The following DGKE variants were observed in gnomAD, a reference collection of about 807,000 sequenced individuals.
The protein encoded by DGKE is DAG kinase epsilon.
A neutral mutation model predicts 70.0 loss-of-function variants in DGKE; 53 were observed. The ratio of observed to expected loss-of-function variants is 0.76; its 90% CI spans 0.61 to 0.95. The LOEUF (loss-of-function observed/expected upper bound fraction) is 0.95. Among genes scored for constraint, DGKE ranks in the 40% least tolerant of loss-of-function variants. The pLI, the probability that DGKE is intolerant of heterozygous loss-of-function variation, is 0.00. For synonymous variants in DGKE, 291 were observed against 257.0 expected (o/e 1.13, Z -1.27); for missense variants, 655 against 706.9 (o/e 0.93, Z 0.83).
chr17:56,844,998 C>G lies in DGKE; in HGVS notation c.625-692C>G, dbSNP rs571357747. 1.3e-3 allele frequency among the ~76,000 whole-genome samples: 201 copies of G among 152,220 alleles called. 1 individual carries two copies. Among genetic ancestry groups the G allele is most frequent in the Non-Finnish European group, 2.1e-3 (143 of 67,976 alleles). On this transcript the variant is annotated intron_variant, in intron 3 of 11. Coordinates refer to ENST00000284061, the MANE Select transcript of DGKE (RefSeq NM_003647.3). ...AAGGGAAGGGACATTTTAAATTTTT[C>G]AAACAATATTGTTTTGACAGTTTTT...
At chr17:56,845,847 A>G in intron 4 of DGKE, 38 bp downstream of exon 4, 5 of 1,546,614 alleles carry the variant, frequency 3.2e-6, no homozygotes, top group Non-Finnish European at 4.3e-6. Flanking sequence ...TAATGTTTTC[A>G]TTTTCCCCAA....
intron 2 of DGKE, 135 bp downstream of exon 2, chr17:56,835,394 A>C: frequency 3.0e-5 from 28 of 924,536 alleles, no homozygotes; most frequent in Non-Finnish European, 3.8e-5. Flanking sequence ...ATAAATAAAC[A>C]TCCCTGAGTT....
chr17:56,855,396 A>G (rs1907884223), intron 7 of DGKE, among the ~76,000 whole-genome samples: 1 of 152,176 alleles, frequency 6.6e-6, no homozygotes, highest in Non-Finnish European at 1.5e-5. Context: ...AGATGGCAGA[A>G]AGAGAGCATG....
At position 56,864,257 on chromosome 17, in the gene DGKE, T is replaced by C. The variant is rs1450384472; in HGVS notation, c.*1466T>C. On this transcript the variant is annotated 3_prime_UTR_variant, in exon 12 of 12. Coordinates refer to ENST00000284061, the MANE Select transcript of DGKE (RefSeq NM_003647.3). ...ACACATGGCCCAGGCTTTGTGGTCT[T>C]TCATGACATTAATCTCTGAAAGATC... is the stretch of plus-strand genomic sequence containing the variant. 2.0e-5 allele frequency: 3 copies of C among 152,236 alleles called. No individual in the cohort carries two copies. The highest frequency in any genetic ancestry group is 7.2e-5 in the African/African-American group (3 of 41,470). 9.4% of individuals were successfully genotyped at this position (152,236 alleles called of 1,614,324 possible).
Position 56,868,668 on chromosome 17 carries a change from G to C in DGKE, c.*5877G>C, listed in dbSNP as rs1388904779. 1.3e-5 allele frequency: 2 copies of C among 152,240 alleles called. No individual in the cohort carries two copies. Among genetic ancestry groups the C allele is most frequent in the Non-Finnish European group, 2.9e-5 (2 of 68,052 alleles). The allele number at this position is 152,240 out of a possible 1,614,324, so 9.4% of individuals were successfully genotyped here. A position where few individuals can be genotyped will look rare whatever the true frequency, so the allele number is the denominator to read the frequency against. ...CTTTTTTAATAAAATTAAAAGTGCA[G>C]CACGTAAGTATGATACTGTGTAGTT... On this transcript the variant is annotated 3_prime_UTR_variant, in exon 12 of 12. Transcript: ENST00000284061.
intron 3 of DGKE, among the ~76,000 whole-genome samples, chr17:56,844,421 G>A (rs1389578631): frequency 6.6e-6 from 1 of 152,168 alleles, no homozygotes; most frequent in Admixed American, 6.5e-5. Context: ...AAGGAAATTG[G>A]AAATGTTATA....
intron 11 of DGKE, 50 bp from the exon 12 acceptor site, chr17:56,862,562 C>G: frequency 7.0e-7 from 1 of 1,438,336 alleles, no homozygotes; most frequent in Non-Finnish European, 9.1e-7. Flanking sequence ...GAAGACCTTT[C>G]TAAATTTGGG....
At chr17:56,847,749 G>A in intron 4 of DGKE, 173 bp from the exon 5 acceptor site, 1 of 349,494 alleles carries the variant, frequency 2.9e-6, no homozygotes, top group Non-Finnish European at 5.0e-6. Flanking sequence ...AGTCAGTGTG[G>A]GGATGAGCTA....
chr17:56,856,814 C>T (rs1459352687), intron 8 of DGKE, 189 bp downstream of exon 8: 1 of 399,110 alleles, frequency 2.5e-6, no homozygotes, highest in Non-Finnish European at 3.4e-6. Context: ...TGTGCTTTAT[C>T]AGGCCAGGCA....
intron 9 of DGKE, among the ~76,000 whole-genome samples, chr17:56,859,476 G>C (rs1908158972): frequency 6.6e-6 from 1 of 150,750 alleles, no homozygotes; most frequent in Admixed American, 6.6e-5. Context: ...CTGGAGTGCA[G>C]TGGTGCGATC....
In DGKE at chr17:56,862,133, A is replaced by G. The variant is rs750203412; in HGVS notation, c.1413-7A>G. The G allele has an allele frequency of 6.2e-7, 1 of 1,613,590 alleles. No individual in the cohort carries two copies. The highest frequency in any genetic ancestry group is 8.5e-7 in the Non-Finnish European group (1 of 1,179,760). ...ATATAATCCATATTTTCTTTTTCCA[A>G]TTTTAGGCATGACGATGGTCTGCTG... On this transcript the variant is annotated splice_region_variant and splice_polypyrimidine_tract_variant and intron_variant, in intron 10 of 11. Transcript: ENST00000284061.
At chr17:56,859,488 C>T (rs1908160895) in intron 9 of DGKE, among the ~76,000 whole-genome samples, 1 of 150,072 alleles carries the variant, frequency 6.7e-6, no homozygotes, top group Non-Finnish European at 1.5e-5. Context: ...GGTGCGATCT[C>T]CGCTCACTGC....
intron 2 of DGKE, among the ~76,000 whole-genome samples, chr17:56,842,136 G>A (rs1960812479): frequency 6.6e-6 from 1 of 152,102 alleles, no homozygotes; most frequent in Admixed American, 6.6e-5. Flanking sequence ...ATACTTCTAA[G>A]CTGAAAAACA....
chr17:56,844,234 T>C (rs930840185), intron 3 of DGKE, 56 bp downstream of exon 3: 5 of 1,201,178 alleles, frequency 4.2e-6, no homozygotes, highest in Non-Finnish European at 5.6e-6. Context: ...GCTTAACTCA[T>C]TGTTTGAGAT....
At chr17:56,853,423 T>C (rs2144261800) in intron 7 of DGKE, among the ~76,000 whole-genome samples, 1 of 152,362 alleles carries the variant, frequency 6.6e-6, no homozygotes, top group South Asian at 2.1e-4. Flanking sequence ...TTAGTACTTT[T>C]ATAGTTTCAG....
Position 56,869,482 on chromosome 17 carries a change from A to G in DGKE, c.*6691A>G, listed in dbSNP as rs527425429. ...TCATTTTATTAGGCATTAGAGGAAG[A>G]ATATTCTGTAGTCCTGCTTTATTCT... On this transcript the variant is annotated 3_prime_UTR_variant, in exon 12 of 12. Coordinates refer to ENST00000284061, the MANE Select transcript of DGKE (RefSeq NM_003647.3). The G allele has an allele frequency of 1.7e-4, 26 of 152,358 alleles. No homozygotes were observed. Among genetic ancestry groups the G allele is most frequent in the African/African-American group, 6.0e-4 (25 of 41,584 alleles). The allele number at this position is 152,358 out of a possible 1,614,324, so 9.4% of individuals were successfully genotyped here.
At chr17:56,845,663 C>G (rs779694357) in intron 3 of DGKE, 27 bp from the exon 4 acceptor site, 2 of 1,598,412 alleles carry the variant, frequency 1.3e-6, no homozygotes, top group Non-Finnish European at 1.7e-6. Flanking sequence ...GATACTAAAC[C>G]TTTTCACTCA....
chr17:56,836,132 T>A (rs896169017), intron 2 of DGKE: 2 of 152,262 alleles, frequency 1.3e-5, no homozygotes, highest in African/African-American at 4.8e-5. Flanking sequence ...TGGGTTTTAT[T>A]TCTGACAAGT....
chr17:56,835,120 AAGG>A lies in DGKE; in HGVS notation c.328_330del (p.Glu110del), dbSNP rs1274481368. On this transcript the variant is annotated inframe_deletion, in exon 2 of 12. Coordinates refer to ENST00000284061, the MANE Select transcript of DGKE (RefSeq NM_003647.3). ...GAAGGCCGACAAGCGCTTCCAGTGC[AAGG>A]AGATTATGCTCAAGAATGACACCAA... is the stretch of plus-strand genomic sequence containing the variant. 21 of 1,613,856 alleles carry A rather than the reference AAGG, an allele frequency of 1.3e-5. No homozygotes were observed. The highest frequency in any genetic ancestry group is 1.7e-5 in the Non-Finnish European group (20 of 1,180,038).
Sources: gnomAD v4.1 joint callset for allele counts (sites outside exome capture counted in the v4.1 genomes callset) on GRCh38, gnomAD v4.1.1 for gene constraint, MANE v1.5 for transcripts, NCBI Gene and HGNC (gene_info 2026-07-23, HGNC 2026-07-21) for gene names.